The following NECTIN3 variants were observed in gnomAD, a reference collection of about 807,000 sequenced individuals.
The protein encoded by NECTIN3 is nectin cell adhesion molecule 3, also known as nectin-3.
Under a neutral mutation model 49.4 loss-of-function variants are expected in NECTIN3, and 8 were observed. The ratio of observed to expected loss-of-function variants is 0.16; its 90% CI spans 0.10 to 0.29. The LOEUF (loss-of-function observed/expected upper bound fraction) is 0.29, where lower values mean the gene tolerates loss of function less well. NECTIN3 is among the 10% of genes least tolerant of loss of function. NECTIN3 has a pLI of 1.00. For synonymous variants in NECTIN3, 277 were observed against 241.1 expected (o/e 1.15, Z -1.38); for missense variants, 581 against 654.6 (o/e 0.89, Z 1.23).
At chr3:111,131,422 T>G (rs1256286497) in intron 5 of NECTIN3, among the ~76,000 whole-genome samples, 2 of 152,008 alleles carry the variant, frequency 1.3e-5, no homozygotes, top group Admixed American at 1.3e-4. Context: ...CATTGTAAAT[T>G]AGAAAACAGA....
At chr3:111,104,770 C>T (rs2033096191) in intron 1 of NECTIN3, among the ~76,000 whole-genome samples, 1 of 152,060 alleles carries the variant, frequency 6.6e-6, no homozygotes, top group Admixed American at 6.5e-5. Context: ...TGTCGAAGAG[C>T]AGAATTTTTT....
intron 7 of NECTIN3, among the ~76,000 whole-genome samples, chr3:111,150,937 G>T (rs953219194): frequency 1.3e-5 from 2 of 151,700 alleles, no homozygotes; most frequent in African/African-American, 4.8e-5. Flanking sequence ...AATATAGATA[G>T]CTGTTATTCC....
rs974427454 is a variant in NECTIN3 at position 111,128,802 on chromosome 3, T to A, written c.1069+2467T>A. Among the ~76,000 whole-genome samples, 3 of 152,206 alleles carry A rather than the reference T, an allele frequency of 2.0e-5. No individual in the cohort carries two copies. In the South Asian group the frequency reaches 6.2e-4, roughly 32 times the overall value. On this transcript the variant is annotated intron_variant, in intron 5 of 5. Transcript: ENST00000485303. ...TAGTCTAAGCCATAAGCCACTCTTATTTCACTATTACAATAACCATTTAAT... is the reference window on the plus strand; with the variant it reads ...TAGTCTAAGCCATAAGCCACTCTTAATTCACTATTACAATAACCATTTAAT...
chr3:111,179,839 C>T (rs1027493289), intron 7 of NECTIN3, among the ~76,000 whole-genome samples: 2 of 150,464 alleles, frequency 1.3e-5, no homozygotes, highest in African/African-American at 2.4e-5. Context: ...TGCAGTGAGC[C>T]GAGGTCACAC....
intron 1 of NECTIN3, among the ~76,000 whole-genome samples, chr3:111,097,705 A>T (rs2032671081): frequency 6.6e-6 from 1 of 152,170 alleles, no homozygotes; most frequent in Admixed American, 6.5e-5. Context: ...GCTACCATCC[A>T]TGTAAGATGT....
chr3:111,145,797 G>A (rs2034859322), intron 6 of NECTIN3, among the ~76,000 whole-genome samples: 2 of 152,160 alleles, frequency 1.3e-5, no homozygotes, highest in South Asian at 4.1e-4. Flanking sequence ...ATGTTTTTAT[G>A]TTGGGACATA....
intron 2 of NECTIN3, among the ~76,000 whole-genome samples, chr3:111,116,172 G>T (rs2033682674): frequency 6.6e-6 from 1 of 152,076 alleles, no homozygotes; most frequent in Admixed American, 6.5e-5. Flanking sequence ...TTTATTTAAA[G>T]GAAGGGGTTA....
intron 1 of NECTIN3, among the ~76,000 whole-genome samples, chr3:111,080,601 A>G (rs998887427): frequency 6.6e-6 from 1 of 151,604 alleles, no homozygotes; most frequent in Non-Finnish European, 1.5e-5. Context: ...TATGAGCTTT[A>G]TATTTCAGGA....
intron 7 of NECTIN3, among the ~76,000 whole-genome samples, chr3:111,170,442 T>C (rs1292616850): frequency 2.6e-5 from 4 of 152,072 alleles, no homozygotes; most frequent in Admixed American, 2.6e-4. Context: ...TTGAGGGGTA[T>C]TAAGGAAAAA....
intron 1 of NECTIN3, among the ~76,000 whole-genome samples, chr3:111,111,659 G>A (rs1236276091): frequency 1.3e-5 from 2 of 152,204 alleles, no homozygotes; most frequent in Non-Finnish European, 2.9e-5. Context: ...TGCAGTCAAA[G>A]TGTCAGCCAG....
chr3:111,096,330 G>T (rs1033370325), intron 1 of NECTIN3, among the ~76,000 whole-genome samples: 1 of 152,132 alleles, frequency 6.6e-6, no homozygotes, highest in Non-Finnish European at 1.5e-5. Flanking sequence ...GCATTCAAGA[G>T]GTGACTTGGG....
intron 1 of NECTIN3, among the ~76,000 whole-genome samples, chr3:111,194,068 A>G (rs192532307): frequency 3.8e-4 from 58 of 152,268 alleles, no homozygotes; most frequent in Admixed American, 1.0e-3. Flanking sequence ...GCTGTATGTA[A>G]CAAAGGCTCT....
chr3:111,170,890 CAAGCAAGG>C (rs1309090409), intron 7 of NECTIN3, among the ~76,000 whole-genome samples: 5 of 152,100 alleles, frequency 3.3e-5, no homozygotes, highest in African/African-American at 1.2e-4. Context: ...CAAGTTTGGC[CAAGCAAGG>C]AATCTTTGTC....
intron 7 of NECTIN3, among the ~76,000 whole-genome samples, chr3:111,167,837 A>G (rs537352867): frequency 6.6e-6 from 1 of 152,290 alleles, no homozygotes; most frequent in Non-Finnish European, 1.5e-5. Flanking sequence ...TTTCACAACA[A>G]AAAGATTAGG....
chr3:111,088,871 T>C (rs1287881418), intron 1 of NECTIN3, among the ~76,000 whole-genome samples: 1 of 152,172 alleles, frequency 6.6e-6, no homozygotes, highest in Non-Finnish European at 1.5e-5. Context: ...CATCTTTTTT[T>C]TGGTCTTGTG....
chr3:111,125,022 CTTTTTTTTTTT>C (rs869201432), intron 4 of NECTIN3, among the ~76,000 whole-genome samples: 2 of 90,198 alleles, frequency 2.2e-5, no homozygotes, highest in East Asian at 3.4e-4. Context: ...TCTTTTCTTT[CTTTTTTTTTTT>C]TTTTTTTTTT....
intron 1 of NECTIN3, among the ~76,000 whole-genome samples, chr3:111,089,264 C>G (rs1239283845): frequency 6.6e-6 from 1 of 151,796 alleles, no homozygotes. Context: ...ATTGTTGATT[C>G]TATTTTATGT....
intron 2 of NECTIN3, among the ~76,000 whole-genome samples, chr3:111,117,247 A>G (rs1043785440): frequency 3.3e-5 from 5 of 152,106 alleles, no homozygotes; most frequent in Non-Finnish European, 7.4e-5. Flanking sequence ...AAAAATACGT[A>G]TGGTCCAATT....
intron 7 of NECTIN3, among the ~76,000 whole-genome samples, chr3:111,164,674 A>G (rs1252884211): frequency 6.6e-6 from 1 of 152,108 alleles, no homozygotes; most frequent in Non-Finnish European, 1.5e-5. Context: ...CCTGGCTTAT[A>G]ATCTTTACAT....
Sources: allele counts gnomAD v4.1 joint callset (sites outside exome capture counted in the v4.1 genomes callset), GRCh38; gene constraint gnomAD v4.1.1; transcripts MANE v1.5; gene names NCBI Gene and HGNC (gene_info 2026-07-23, HGNC 2026-07-21).